The following PITPNB variants were observed in gnomAD, a reference collection of about 807,000 sequenced individuals.
PITPNB encodes phosphatidylinositol transfer protein beta.
PITPNB carries 16 observed loss-of-function variants against 45.9 expected under a neutral mutation model. That is an observed-to-expected ratio of 0.35 (90% confidence interval 0.24 to 0.53). PITPNB has a LOEUF of 0.53. PITPNB is among the 20% of genes least tolerant of loss of function. The pLI is 0.93. For synonymous variants in PITPNB, 112 were observed against 108.9 expected (o/e 1.03, Z -0.18); for missense variants, 188 against 330.5 (o/e 0.57, Z 3.34).
In PITPNB at chr22:27,854,852, A is replaced by G; in HGVS notation, c.*38+2T>C. 1 of 1,597,800 alleles carries G rather than the reference A, an allele frequency of 6.3e-7. No individual in the cohort carries two copies. Among genetic ancestry groups the G allele is most frequent in the East Asian group, 2.2e-5 (1 of 44,746 alleles). On this transcript the variant is annotated splice_donor_variant, in intron 11 of 11. Coordinates refer to ENST00000335272, the MANE Select transcript of PITPNB (RefSeq NM_012399.5). LOFTEE classifies it low-confidence loss of function (3UTR_SPLICE). Reference sequence around the variant, plus strand: ...CATCTTTTTACCCAGGTCTTCACTTACACAGTTTGACATTGTCTCTGACCC... The same window carrying G: ...CATCTTTTTACCCAGGTCTTCACTTGCACAGTTTGACATTGTCTCTGACCC...
chr22:27,855,020 G>T lies in PITPNB; in HGVS notation c.769-81C>A, dbSNP rs111616372. On this transcript the variant is annotated intron_variant, in intron 10 of 11. Transcript: ENST00000335272. Reference sequence around the variant, plus strand: ...TAAGCAAGGGGAGAAAAAAGATCTAGAAGAGATTATGAAGTGATGTTCATA... The same window carrying T: ...TAAGCAAGGGGAGAAAAAAGATCTATAAGAGATTATGAAGTGATGTTCATA... The T allele has an allele frequency of 4.9e-3, 4,682 of 958,298 alleles. 25 individuals carry two copies. The highest frequency in any genetic ancestry group is 0.017 in the Middle Eastern group (84 of 4,814). 59.4% of individuals were successfully genotyped at this position (958,298 alleles called of 1,614,324 possible). A position where few individuals can be genotyped will look rare whatever the true frequency, so the allele number is the denominator to read the frequency against.
In PITPNB at chr22:27,885,003, ATTTC is replaced by A. The variant is rs1480295021; in HGVS notation, c.456+9548_456+9551del. Among the ~76,000 whole-genome samples the A allele has an allele frequency of 3.3e-5, 5 of 150,068 alleles. No individual in the cohort carries two copies. The East Asian group carries it at 9.7e-4, about 29-fold the overall frequency. On this transcript the variant is annotated intron_variant, in intron 7 of 11. Transcript: ENST00000335272. The stretch of plus-strand genomic sequence containing the variant: ...ATAAATATCTAAAAATGTGGTTCCA[ATTTC>A]TTTTTTTTTTTCTAAACCATGCTCA...
Position 27,854,839 on chromosome 22 carries a change from C to T in PITPNB, c.*38+15G>A. 1 of 1,547,258 alleles carries T rather than the reference C, an allele frequency of 6.5e-7. No homozygotes were observed. Among genetic ancestry groups the T allele is most frequent in the South Asian group, 1.1e-5 (1 of 88,182 alleles). On this transcript the variant is annotated intron_variant, in intron 11 of 11. Transcript: ENST00000335272. ...ACAGGTTTCGAAACATCTTTTTACC[C>T]AGGTCTTCACTTACACAGTTTGACA...
Position 27,853,654 on chromosome 22 carries a change from G to C in PITPNB, c.*48C>G. On this transcript the variant is annotated 3_prime_UTR_variant, in exon 12 of 12. Coordinates refer to ENST00000335272, the MANE Select transcript of PITPNB (RefSeq NM_012399.5). ...GCGCTTGTTCCCCTCACTTGACCTT[G>C]ATTACGTAACTGTAAGAAAAGTGAA... The C allele has an allele frequency of 1.9e-6, 3 of 1,550,228 alleles. No homozygotes were observed. The highest frequency in any genetic ancestry group is 2.6e-6 in the Non-Finnish European group (3 of 1,146,312).
intron 3 of PITPNB, among the ~76,000 whole-genome samples, chr22:27,907,075 A>G (rs1471696139): frequency 6.6e-6 from 1 of 152,212 alleles, no homozygotes; most frequent in Admixed American, 6.5e-5. Context: ...TTGTAGTTTT[A>G]TTGATGTTAT....
At chr22:27,891,099 A>C (rs146114166) in intron 7 of PITPNB, among the ~76,000 whole-genome samples, 1 of 152,208 alleles carries the variant, frequency 6.6e-6, no homozygotes. Context: ...ACGACTGTTC[A>C]TGAGTACAGG....
At chr22:27,886,217 T>C in intron 7 of PITPNB, among the ~76,000 whole-genome samples, 1 of 152,210 alleles carries the variant, frequency 6.6e-6, no homozygotes, top group East Asian at 1.9e-4. Flanking sequence ...CAAAAGATAC[T>C]AAGTGAGGAC....
At position 27,894,616 on chromosome 22, in the gene PITPNB, G is replaced by C. The variant is rs1206271558; in HGVS notation, c.395C>G (p.Thr132Arg). 1 of 1,603,720 alleles carries C rather than the reference G, an allele frequency of 6.2e-7. No homozygotes were observed. The highest frequency in any genetic ancestry group is 8.5e-7 in the Non-Finnish European group (1 of 1,171,516). Residue 132 changes from threonine to arginine, a missense_variant, in exon 7 of 12, where the codon ACA becomes AGA. Physicochemically the swap from Thr to Arg is moderately conservative, Grantham distance 71 (BLOSUM62 -1). Transcript: ENST00000335272. ...ATGGACAATTTCAACAGTTTTCCAT[G>C]TGTTTGGATCTAAACCATGTACCTA... ...LENVHGLDPN[T>R]WKTVEIVHID...
chr22:27,889,709 A>C (rs1935219135), intron 7 of PITPNB, among the ~76,000 whole-genome samples: 1 of 152,168 alleles, frequency 6.6e-6, no homozygotes, highest in South Asian at 2.1e-4. Flanking sequence ...CTAAGACTGT[A>C]AGTCTCTTGT....
chr22:27,900,509 TTA>T (rs1935562868), intron 3 of PITPNB, among the ~76,000 whole-genome samples: 1 of 152,220 alleles, frequency 6.6e-6, no homozygotes, highest in Non-Finnish European at 1.5e-5. Context: ...GCAATTCATT[TTA>T]TGTTTTGACT....
At chr22:27,893,848 T>TC (rs1216583518) in intron 7 of PITPNB, among the ~76,000 whole-genome samples, 1 of 152,094 alleles carries the variant, frequency 6.6e-6, no homozygotes, top group African/African-American at 2.4e-5. Flanking sequence ...TCCTTGGCCT[T>TC]CCAAAGTGTT....
intron 7 of PITPNB, among the ~76,000 whole-genome samples, chr22:27,892,528 G>A (rs1261463851): frequency 6.6e-6 from 1 of 152,100 alleles, no homozygotes; most frequent in African/African-American, 2.4e-5. Context: ...ATCCTGGTGT[G>A]GCATACTGCT....
chr22:27,890,032 G>A (rs1840031074), intron 7 of PITPNB, among the ~76,000 whole-genome samples: 1 of 152,202 alleles, frequency 6.6e-6, no homozygotes. Context: ...CCCAAACAAT[G>A]GGGCGGAAAT....
At position 27,853,449 on chromosome 22, in the gene PITPNB, T is replaced by G; in HGVS notation, c.*253A>C. 1 of 618,292 alleles carries G rather than the reference T, an allele frequency of 1.6e-6. No individual in the cohort carries two copies. Among genetic ancestry groups the G allele is most frequent in the South Asian group, 2.0e-5 (1 of 49,922 alleles). 38.3% of individuals were successfully genotyped at this position (618,292 alleles called of 1,614,324 possible). A position where few individuals can be genotyped will look rare whatever the true frequency, so the allele number is the denominator to read the frequency against. Reference sequence around the variant, plus strand: ...CTGTATGTACATATATACACAAGTGTGTGTATCTGGATCTGTAGCTCTACA... The same window carrying G: ...CTGTATGTACATATATACACAAGTGGGTGTATCTGGATCTGTAGCTCTACA... On this transcript the variant is annotated 3_prime_UTR_variant, in exon 12 of 12. Transcript: ENST00000335272.
intron 7 of PITPNB, among the ~76,000 whole-genome samples, chr22:27,876,790 C>T (rs1219916445): frequency 6.6e-6 from 1 of 152,196 alleles, no homozygotes; most frequent in Non-Finnish European, 1.5e-5. Flanking sequence ...CCTCAGCTAC[C>T]AATTATAGCT....
chr22:27,896,488 G>C (rs1935436690), intron 6 of PITPNB, 64 bp downstream of exon 6: 1 of 1,042,538 alleles, frequency 9.6e-7, no homozygotes, highest in African/African-American at 1.6e-5. Context: ...ATGACAAAGT[G>C]AACTACATAT....
chr22:27,873,204 C>T (rs1436508588), intron 8 of PITPNB, among the ~76,000 whole-genome samples: 1 of 152,180 alleles, frequency 6.6e-6, no homozygotes, highest in African/African-American at 2.4e-5. Flanking sequence ...GAGGCAGAGG[C>T]TGCAGTGAGC....
chr22:27,909,594 G>A (rs527687851), intron 3 of PITPNB, among the ~76,000 whole-genome samples: 9 of 151,982 alleles, frequency 5.9e-5, no homozygotes, highest in African/African-American at 1.2e-4. Flanking sequence ...TTTTGTCTAC[G>A]AAATTAGCAA....
chr22:27,861,727 T>A (rs1486839006), intron 8 of PITPNB, among the ~76,000 whole-genome samples: 1 of 152,128 alleles, frequency 6.6e-6, no homozygotes, highest in Non-Finnish European at 1.5e-5. Context: ...AGCCCCAGTG[T>A]TGGTGTGCTT....
Sources: gnomAD v4.1 joint callset for allele counts (sites outside exome capture counted in the v4.1 genomes callset) on GRCh38, gnomAD v4.1.1 for gene constraint, MANE v1.5 for transcripts, NCBI Gene and HGNC (gene_info 2026-07-23, HGNC 2026-07-21) for gene names.